Variants in SGCZ observed in about 807,000 individuals in gnomAD.
The protein encoded by SGCZ is zeta-sarcoglycan.
SGCZ carries 40 observed loss-of-function variants against 41.3 expected under a neutral mutation model. That is an observed-to-expected ratio of 0.97 (90% CI 0.75 to 1.26). The LOEUF (loss-of-function observed/expected upper bound fraction) is 1.26, where lower values mean the gene tolerates loss of function less well. Among genes scored for constraint, SGCZ ranks in the 50% most tolerant of loss-of-function variants. The pLI, the probability that SGCZ is intolerant of heterozygous loss-of-function variation, is 0.00. For synonymous variants in SGCZ, 206 were observed against 137.5 expected (o/e 1.50, Z -3.49); for missense variants, 552 against 369.8 (o/e 1.49, Z -4.04).
intron 5 of SGCZ, among the ~76,000 whole-genome samples, chr8:14,161,112 G>C (rs1324577060): frequency 6.6e-6 from 1 of 152,144 alleles, no homozygotes. Context: ...GAAGCACCCT[G>C]GAGTCAATGT....
chr8:14,420,433 A>T (rs1799608579), intron 2 of SGCZ, among the ~76,000 whole-genome samples: 1 of 151,994 alleles, frequency 6.6e-6, no homozygotes, highest in Admixed American at 6.6e-5. Context: ...GTGGATGTTT[A>T]TTCAGTTTTT....
chr8:14,956,525 T>C (rs1585411333), intron 1 of SGCZ, among the ~76,000 whole-genome samples: 1 of 152,106 alleles, frequency 6.6e-6, no homozygotes, highest in African/African-American at 2.4e-5. Context: ...ACAGGATAGT[T>C]TTCATATTTC....
chr8:15,097,844 A>G (rs1482435649), intron 1 of SGCZ, among the ~76,000 whole-genome samples: 33 of 36,618 alleles, frequency 9.0e-4, no homozygotes, highest in African/African-American at 2.4e-3. Flanking sequence ...ACGTGTGTGT[A>G]TATATATATA....
intron 1 of SGCZ, among the ~76,000 whole-genome samples, chr8:14,726,689 C>T (rs983048616): frequency 6.6e-6 from 1 of 151,848 alleles, no homozygotes; most frequent in Non-Finnish European, 1.5e-5. Flanking sequence ...AATGTATAAA[C>T]AACTTGAAAA....
intron 1 of SGCZ, among the ~76,000 whole-genome samples, chr8:15,062,408 C>T (rs546967004): frequency 3.3e-5 from 5 of 152,164 alleles, no homozygotes; most frequent in Non-Finnish European, 7.4e-5. Context: ...AGTAGGTTTT[C>T]GTCTGTCTGT....
intron 1 of SGCZ, among the ~76,000 whole-genome samples, chr8:14,990,044 T>A (rs1801956127): frequency 6.6e-6 from 1 of 152,132 alleles, no homozygotes. Flanking sequence ...CCTTTGTTAT[T>A]TGCTGATAAC....
At chr8:14,644,338 C>A (rs1171385314) in intron 1 of SGCZ, among the ~76,000 whole-genome samples, 3 of 151,716 alleles carry the variant, frequency 2.0e-5, no homozygotes, top group Non-Finnish European at 4.4e-5. Flanking sequence ...AGAAGAAATT[C>A]TGGATCAAGG....
chr8:14,568,301 A>G (rs575124056), intron 1 of SGCZ, among the ~76,000 whole-genome samples: 2 of 152,008 alleles, frequency 1.3e-5, no homozygotes, highest in Non-Finnish European at 2.9e-5. Context: ...TGAAACCTAG[A>G]TCATGGGTTG....
chr8:14,420,084 G>C (rs1799598990), intron 2 of SGCZ, among the ~76,000 whole-genome samples: 1 of 151,824 alleles, frequency 6.6e-6, no homozygotes, highest in Non-Finnish European at 1.5e-5. Context: ...TCTATTTATT[G>C]CATTCTATTT....
intron 1 of SGCZ, among the ~76,000 whole-genome samples, chr8:14,555,364 G>T (rs544181221): frequency 5.3e-5 from 8 of 152,100 alleles, no homozygotes; most frequent in African/African-American, 1.7e-4. Flanking sequence ...TCATGGCAGT[G>T]AATTTCCCCC....
At chr8:14,633,415 G>A (rs1407408989) in intron 1 of SGCZ, among the ~76,000 whole-genome samples, 3 of 151,764 alleles carry the variant, frequency 2.0e-5, no homozygotes, top group African/African-American at 7.3e-5. Context: ...ATGTTCTTTT[G>A]AATAAGTAAC....
At chr8:15,099,132 T>C (rs6530834) in intron 1 of SGCZ, among the ~76,000 whole-genome samples, 118,165 of 152,226 alleles carry the variant, frequency 0.78, 45,936 homozygotes, top group Admixed American at 0.82. Context: ...CAAATTGTTA[T>C]TGTGTAGAGA....
intron 1 of SGCZ, among the ~76,000 whole-genome samples, chr8:14,598,185 T>G (rs1805473360): frequency 6.6e-6 from 1 of 152,178 alleles, no homozygotes; most frequent in African/African-American, 2.4e-5. Flanking sequence ...GTTTTGGTAA[T>G]TTTATAATTT....
At chr8:14,220,095 T>A (rs1007056324) in intron 4 of SGCZ, among the ~76,000 whole-genome samples, 29 of 152,188 alleles carry the variant, frequency 1.9e-4, no homozygotes, top group Admixed American at 1.8e-3. Context: ...ACCTAATAGA[T>A]CGGTGCTTCT....
intron 1 of SGCZ, among the ~76,000 whole-genome samples, chr8:14,816,934 A>G (rs568499672): frequency 7.9e-4 from 121 of 152,326 alleles, no homozygotes; most frequent in African/African-American, 2.7e-3. Flanking sequence ...ATATATCACA[A>G]TTACTTTTTA....
intron 1 of SGCZ, among the ~76,000 whole-genome samples, chr8:15,213,458 GA>G (rs952248415): frequency 6.6e-6 from 1 of 151,196 alleles, no homozygotes; most frequent in African/African-American, 2.4e-5. Context: ...GTATATTTGA[GA>G]AAAAAATGAT....
chr8:14,638,965 T>C (rs891560619), intron 1 of SGCZ, among the ~76,000 whole-genome samples: 2 of 151,268 alleles, frequency 1.3e-5, no homozygotes, highest in Non-Finnish European at 1.5e-5. Context: ...AACAATAATA[T>C]CCGAAAAGTA....
chr8:14,577,650 A>G (rs1031485689), intron 1 of SGCZ, among the ~76,000 whole-genome samples: 3 of 152,122 alleles, frequency 2.0e-5, no homozygotes, highest in Admixed American at 2.0e-4. Flanking sequence ...AGCCTCCCAA[A>G]GTGCTGGGAT....
chr8:14,919,165 G>A (rs944078440), intron 1 of SGCZ, among the ~76,000 whole-genome samples: 10 of 152,124 alleles, frequency 6.6e-5, no homozygotes, highest in African/African-American at 1.9e-4. Flanking sequence ...AAGGCCAGGC[G>A]AGGTGGCTCA....
Sources: allele counts gnomAD v4.1 joint callset (sites outside exome capture counted in the v4.1 genomes callset), GRCh38; gene constraint gnomAD v4.1.1; transcripts MANE v1.5; gene names NCBI Gene and HGNC (gene_info 2026-07-23, HGNC 2026-07-21).